Variants in SYN3 observed in about 807,000 individuals in gnomAD.
SYN3 encodes the protein synapsin III, also known as synapsin-3.
In SYN3, 35 loss-of-function variants were observed where a neutral mutation model predicts 65.8. The ratio of observed to expected loss-of-function variants is 0.53; its 90% CI spans 0.41 to 0.70. SYN3 has a LOEUF of 0.70. Ranked by LOEUF, SYN3 falls within the 30% of genes least tolerant of loss-of-function variation. The pLI is 0.00. For missense variants in SYN3, 680 were observed against 749.0 expected, an observed-to-expected ratio of 0.91 and a Z score of 1.08; for synonymous variants, 270 against 292.9, an observed-to-expected ratio of 0.92 and a Z score of 0.80.
chr22:32,946,387 T>G (rs9609663), intron 3 of SYN3, among the ~76,000 whole-genome samples: 17,746 of 152,166 alleles, frequency 0.12, 1,520 homozygotes, highest in East Asian at 0.44. Flanking sequence ...TTCGTGTCCT[T>G]TGTAGGGACA....
intron 6 of SYN3, among the ~76,000 whole-genome samples, chr22:32,653,675 T>A (rs2060104296): frequency 6.6e-6 from 1 of 152,148 alleles, no homozygotes; most frequent in African/African-American, 2.4e-5. Context: ...AGGTAGGAAG[T>A]GGCTCTGGGG....
chr22:32,802,594 T>C (rs1489847008), intron 6 of SYN3, among the ~76,000 whole-genome samples: 2 of 151,852 alleles, frequency 1.3e-5, no homozygotes, highest in African/African-American at 4.8e-5. Context: ...CATCATCTCC[T>C]GCGCCTATGA....
In SYN3 at chr22:32,802,723, G is replaced by A. The variant is rs1323270843; in HGVS notation, c.711+62192C>T. Among the ~76,000 whole-genome samples the A allele has an allele frequency of 8.5e-5, 13 of 152,282 alleles. No homozygotes were observed. The East Asian group carries it at 2.5e-3, about 29-fold the overall frequency. On this transcript the variant is annotated intron_variant, in intron 6 of 13. Coordinates refer to ENST00000358763, the MANE Select transcript of SYN3 (RefSeq NM_003490.4). ...AGGGGGAAAATGAGGAGAAAGCTGT[G>A]GCATTGACCCACGCCCTGGAGGCAC...
intron 6 of SYN3, among the ~76,000 whole-genome samples, chr22:32,739,521 A>G (rs909271003): frequency 6.6e-6 from 1 of 152,198 alleles, no homozygotes. Flanking sequence ...TGAGGCTCAG[A>G]GCACTGAAGT....
chr22:32,690,803 G>C (rs2060651666), intron 6 of SYN3, among the ~76,000 whole-genome samples: 1 of 152,148 alleles, frequency 6.6e-6, no homozygotes. Flanking sequence ...CTGATTCTAG[G>C]GCAGAGACAA....
At chr22:32,978,186 C>T (rs76493452) in intron 3 of SYN3, among the ~76,000 whole-genome samples, 5,601 of 152,026 alleles carry the variant, frequency 0.037, 149 homozygotes, top group Non-Finnish European at 0.051. Flanking sequence ...GAAGACTGGA[C>T]GAGAGTTGAG....
chr22:32,813,818 A>G (rs1375657334), intron 6 of SYN3, among the ~76,000 whole-genome samples: 2 of 152,034 alleles, frequency 1.3e-5, no homozygotes. Context: ...CATTTTTCCT[A>G]TCTGTAAAAT....
intron 1 of SYN3, among the ~76,000 whole-genome samples, chr22:33,008,924 CAAAAAAAAAAAAAAAAAAAAAA>C (rs201719238): frequency 1.1e-3 from 60 of 57,098 alleles, no homozygotes; most frequent in Middle Eastern, 0.012. Context: ...GACTTTATCT[CAAAAAAAAAAAAAAAAAAAAAA>C]AAAAAAAAAA....
At chr22:32,859,482 C>T (rs577017044) in intron 6 of SYN3, 7 of 1,366,210 alleles carry the variant, frequency 5.1e-6, no homozygotes, top group Admixed American at 2.1e-5. Context: ...TGTTTTCTTG[C>T]AAATTTAGCA....
intron 3 of SYN3, among the ~76,000 whole-genome samples, chr22:32,941,463 C>T (rs1354130222): frequency 2.6e-5 from 4 of 152,090 alleles, no homozygotes; most frequent in African/African-American, 7.2e-5. Flanking sequence ...ATTTCTTTCC[C>T]GGGCCGGTTC....
chr22:32,676,119 G>A (rs896802775), intron 6 of SYN3, among the ~76,000 whole-genome samples: 4 of 152,306 alleles, frequency 2.6e-5, no homozygotes, highest in African/African-American at 7.2e-5. Flanking sequence ...CTCCCCTGAG[G>A]AGCCCTCCCA....
At chr22:32,950,093 C>T (rs1414847001) in intron 3 of SYN3, among the ~76,000 whole-genome samples, 2 of 152,174 alleles carry the variant, frequency 1.3e-5, no homozygotes, top group Non-Finnish European at 2.9e-5. Flanking sequence ...TACCCTTAAA[C>T]CCAACCCTTA....
intron 6 of SYN3, among the ~76,000 whole-genome samples, chr22:32,813,176 G>A (rs550468838): frequency 4.6e-5 from 7 of 152,256 alleles, no homozygotes; most frequent in African/African-American, 1.4e-4. Context: ...TATGTTTATG[G>A]TTCCCCATTC....
chr22:32,934,524 G>T (rs548848840), intron 3 of SYN3, among the ~76,000 whole-genome samples: 1 of 152,312 alleles, frequency 6.6e-6, no homozygotes, highest in African/African-American at 2.4e-5. Context: ...AAGTAAAAGG[G>T]CATTCTTCTG....
chr22:32,868,445 A>C (rs1212793963), intron 5 of SYN3, among the ~76,000 whole-genome samples: 3 of 151,868 alleles, frequency 2.0e-5, no homozygotes, highest in African/African-American at 7.3e-5. Flanking sequence ...TATTTATTAC[A>C]AAACTTTTTT....
chr22:33,050,907 C>T (rs561434729), intron 1 of SYN3, among the ~76,000 whole-genome samples: 17 of 152,332 alleles, frequency 1.1e-4, no homozygotes, highest in African/African-American at 3.8e-4. Flanking sequence ...TAAATTAAAA[C>T]CCGTATAAAG....
intron 6 of SYN3, among the ~76,000 whole-genome samples, chr22:32,651,391 T>C (rs2060067916): frequency 6.6e-6 from 1 of 152,088 alleles, no homozygotes; most frequent in Non-Finnish European, 1.5e-5. Context: ...TTCCTTGAGT[T>C]AGGAGGTCTC....
At chr22:32,605,472 C>T (rs2710358) in intron 6 of SYN3, among the ~76,000 whole-genome samples, 63,276 of 151,988 alleles carry the variant, frequency 0.42, 13,808 homozygotes, top group African/African-American at 0.49. Context: ...CTCTTGAGCC[C>T]TTAGTGTGTA....
At chr22:32,650,598 T>C (rs2060055990) in intron 6 of SYN3, among the ~76,000 whole-genome samples, 1 of 152,030 alleles carries the variant, frequency 6.6e-6, no homozygotes, top group African/African-American at 2.4e-5. Context: ...ATCTTCACAA[T>C]AATGCTAAGC....
Sources: allele counts gnomAD v4.1 joint callset (sites outside exome capture counted in the v4.1 genomes callset), GRCh38; gene constraint gnomAD v4.1.1; transcripts MANE v1.5; gene names NCBI Gene and HGNC (gene_info 2026-07-23, HGNC 2026-07-21).